FGF20: variants seen among roughly 807,000 people sequenced by gnomAD.
FGF20 encodes fibroblast growth factor 20.
A neutral mutation model predicts 16.7 loss-of-function variants in FGF20; 8 were observed. That is an observed-to-expected ratio of 0.48 (90% confidence interval 0.28 to 0.87). The LOEUF (loss-of-function observed/expected upper bound fraction) is 0.87, where lower values mean the gene tolerates loss of function less well. Among genes scored for constraint, FGF20 ranks in the 40% least tolerant of loss-of-function variants. The pLI is 0.10. For synonymous variants in FGF20, 161 were observed against 118.6 expected, an observed-to-expected ratio of 1.36 and a Z score of -2.32; for missense variants, 397 against 281.4, an observed-to-expected ratio of 1.41 and a Z score of -2.94.
At position 17,001,768 on chromosome 8, in the gene FGF20, G is replaced by T; in HGVS notation, c.265C>A (p.Arg89=). The T allele has an allele frequency of 6.3e-7, 1 of 1,577,930 alleles. No homozygotes were observed. Among genetic ancestry groups the T allele is most frequent in the African/African-American group, 1.4e-5 (1 of 71,758 alleles). The change falls in exon 1 of 3, where the codon CGG becomes AGG. Residue 89 remains arginine, a synonymous_variant. Transcript: ENST00000180166. Reference sequence around the variant, plus strand: ...GTACCGAAGAGGCTGTGGTCCTGCCGGGTGCCCTGCACGCTGCCGTCGGGC... The same window carrying T: ...GTACCGAAGAGGCTGTGGTCCTGCCTGGTGCCCTGCACGCTGCCGTCGGGC... ...ILPDGSVQGT[R]QDHSLFGILE...
chr8:16,995,928 A>T (rs1184000467), intron 1 of FGF20, among the ~76,000 whole-genome samples, 170 bp from the exon 2 acceptor site: 1 of 152,258 alleles, frequency 6.6e-6, no homozygotes, highest in East Asian at 1.9e-4. Context: ...TTGTTTTATG[A>T]CAGATGAAAA....
At chr8:16,993,922 T>C (rs1809979443) in intron 2 of FGF20, among the ~76,000 whole-genome samples, 2 of 152,116 alleles carry the variant, frequency 1.3e-5, no homozygotes, top group South Asian at 4.1e-4. Context: ...ATGTGAGCAA[T>C]GGAGAGCAGC....
At chr8:16,998,932 T>C (rs1451588280) in intron 1 of FGF20, among the ~76,000 whole-genome samples, 1 of 152,134 alleles carries the variant, frequency 6.6e-6, no homozygotes, top group East Asian at 1.9e-4. Flanking sequence ...TAGCCATCCT[T>C]AAGTTTTCAA....
In FGF20 at chr8:16,992,430, T is replaced by C. The variant is rs1809935249; in HGVS notation, c.*642A>G. 1 of 151,910 alleles carries C rather than the reference T, an allele frequency of 6.6e-6. No individual in the cohort carries two copies. The highest frequency in any genetic ancestry group is 1.5e-5 in the Non-Finnish European group (1 of 67,958). 9.4% of individuals were successfully genotyped at this position (151,910 alleles called of 1,614,324 possible). ...GCACAATAACGGAAGTTTTGTTGTT[T>C]TTTACTCTTTGTATTATCTTCATAT... On this transcript the variant is annotated 3_prime_UTR_variant, in exon 3 of 3. Transcript: ENST00000180166.
intron 2 of FGF20, among the ~76,000 whole-genome samples, chr8:16,994,782 A>G (rs1350289706): frequency 6.6e-6 from 1 of 152,208 alleles, no homozygotes; most frequent in African/African-American, 2.4e-5. Context: ...CAACCTCAAG[A>G]AAAGAGTTCA....
intron 1 of FGF20, among the ~76,000 whole-genome samples, chr8:16,997,515 C>T (rs1348975159): frequency 7.2e-5 from 11 of 152,188 alleles, no homozygotes; most frequent in Non-Finnish European, 2.9e-5. Flanking sequence ...AAGCCTAATT[C>T]ACTCTTTGTC....
intron 1 of FGF20, among the ~76,000 whole-genome samples, chr8:17,000,851 T>C (rs1402357724): frequency 6.6e-6 from 1 of 152,016 alleles, no homozygotes; most frequent in African/African-American, 2.4e-5. Context: ...ACCCCTTCTC[T>C]TCCCAGGCAC....
chr8:16,993,021 A>G lies in FGF20; in HGVS notation c.*51T>C, dbSNP rs1438376175. ...TCATTATTTTATGATGGGAACTATG[A>G]CAAGAAAGAATGGTTGTGGTTTGAC... On this transcript the variant is annotated 3_prime_UTR_variant, in exon 3 of 3. Coordinates refer to ENST00000180166, the MANE Select transcript of FGF20 (RefSeq NM_019851.3). 19 of 1,580,850 alleles carry G rather than the reference A, an allele frequency of 1.2e-5. No individual in the cohort carries two copies. Among genetic ancestry groups the G allele is most frequent in the Non-Finnish European group, 1.6e-5 (19 of 1,164,448 alleles).
intron 1 of FGF20, among the ~76,000 whole-genome samples, 176 bp from the exon 2 acceptor site, chr8:16,995,934 GAAAAAAGGAC>G (rs1362296628): frequency 2.0e-5 from 3 of 152,264 alleles, no homozygotes; most frequent in Admixed American, 1.3e-4. Flanking sequence ...TATGACAGAT[GAAAAAAGGAC>G]AAAAAAGGAA....
In FGF20 at chr8:16,992,382, C is replaced by T. The variant is rs1809933681; in HGVS notation, c.*690G>A. On this transcript the variant is annotated 3_prime_UTR_variant, in exon 3 of 3. Transcript: ENST00000180166. ...GTATAATAATGTCCTCTTTACAGAG[C>T]AAGACACCACAATAAAGTAATGGCA... is the stretch of plus-strand genomic sequence containing the variant. The T allele has an allele frequency of 6.6e-6, 1 of 151,924 alleles. No individual in the cohort carries two copies. The highest frequency in any genetic ancestry group is 6.6e-5 in the Admixed American group (1 of 15,256). The allele number at this position is 151,924 out of a possible 1,614,324, so 9.4% of individuals were successfully genotyped here.
chr8:16,996,220 C>A (rs1372062065), intron 1 of FGF20, among the ~76,000 whole-genome samples: 1 of 152,088 alleles, frequency 6.6e-6, no homozygotes, highest in African/African-American at 2.4e-5. Flanking sequence ...TTTTCTCACC[C>A]TTCTATGTGT....
At chr8:16,994,304 C>T (rs969612762) in intron 2 of FGF20, among the ~76,000 whole-genome samples, 1 of 152,134 alleles carries the variant, frequency 6.6e-6, no homozygotes, top group Non-Finnish European at 1.5e-5. Flanking sequence ...AATCATATAT[C>T]TTCTCTTTAT....
chr8:16,993,429 G>GT, intron 2 of FGF20, 112 bp from the exon 3 acceptor site: 1 of 1,116,456 alleles, frequency 9.0e-7, no homozygotes, highest in Admixed American at 2.4e-5. Context: ...AAAGAAAAAG[G>GT]TTAAATTGGT....
Position 16,992,930 on chromosome 8 carries a change from A to G in FGF20, c.*142T>C. On this transcript the variant is annotated 3_prime_UTR_variant, in exon 3 of 3. Transcript: ENST00000180166. The stretch of plus-strand genomic sequence containing the variant: ...AAAATTTTTTTTGGTTTTTTTTCTC[A>G]ATATTCTTTCCAAATCCAGTCTCTC... The G allele has an allele frequency of 8.9e-7, 1 of 1,124,890 alleles. No homozygotes were observed. Among genetic ancestry groups the G allele is most frequent in the Non-Finnish European group, 1.2e-6 (1 of 802,494 alleles). The allele number at this position is 1,124,890 out of a possible 1,614,324, so 69.7% of individuals were successfully genotyped here. A position where few individuals can be genotyped will look rare whatever the true frequency, so the allele number is the denominator to read the frequency against.
Position 17,002,127 on chromosome 8 carries a change from C to A in FGF20, c.-95G>T, listed in dbSNP as rs1408089333. ...TAGAGAAAAATTATAGCAAAACGAG[C>A]GCAAAAAGTTAAGGCCCGGTTACTC... On this transcript the variant is annotated 5_prime_UTR_variant, in exon 1 of 3. Coordinates refer to ENST00000180166, the MANE Select transcript of FGF20 (RefSeq NM_019851.3). The A allele has an allele frequency of 1.5e-6, 2 of 1,342,122 alleles. No individual in the cohort carries two copies. Among genetic ancestry groups the A allele is most frequent in the Admixed American group, 3.6e-5 (1 of 27,936 alleles). 83.1% of individuals were successfully genotyped at this position (1,342,122 alleles called of 1,614,324 possible).
At chr8:16,994,947 C>G (rs1689884) in intron 2 of FGF20, among the ~76,000 whole-genome samples, 145,861 of 152,266 alleles carry the variant, frequency 0.96, 70,168 homozygotes, top group East Asian at 1. Flanking sequence ...TCCTGCTATT[C>G]TAATTCTTGT....
At position 17,002,066 on chromosome 8, in the gene FGF20, C is replaced by T. The variant is rs781016331; in HGVS notation, c.-34G>A. 2 of 1,503,768 alleles carry T rather than the reference C, an allele frequency of 1.3e-6. No individual in the cohort carries two copies. The highest frequency in any genetic ancestry group is 1.5e-5 in the African/African-American group (1 of 68,782). The allele number at this position is 1,503,768 out of a possible 1,614,324, so 93.2% of individuals were successfully genotyped here. On this transcript the variant is annotated 5_prime_UTR_variant, in exon 1 of 3. Coordinates refer to ENST00000180166, the MANE Select transcript of FGF20 (RefSeq NM_019851.3). ...AGATCCGGAACACAAAAGACCCCCCCAGTAAAGAGTGTTGTGGGGGTGGGA... is the reference window on the plus strand; with the variant it reads ...AGATCCGGAACACAAAAGACCCCCCTAGTAAAGAGTGTTGTGGGGGTGGGA...
intron 1 of FGF20, 66 bp from the exon 2 acceptor site, chr8:16,995,824 A>G (rs1563232822): frequency 1.1e-6 from 1 of 881,410 alleles, no homozygotes; most frequent in Non-Finnish European, 1.8e-6. Flanking sequence ...ATGACTAACA[A>G]AAATCTTCCA....
At chr8:16,996,708 T>G (rs886507784) in intron 1 of FGF20, among the ~76,000 whole-genome samples, 3 of 152,192 alleles carry the variant, frequency 2.0e-5, no homozygotes, top group Non-Finnish European at 4.4e-5. Flanking sequence ...TGTATTTTCT[T>G]ATCTGGCCCT....
Sources: allele counts gnomAD v4.1 joint callset (sites outside exome capture counted in the v4.1 genomes callset), GRCh38; gene constraint gnomAD v4.1.1; transcripts MANE v1.5; gene names NCBI Gene and HGNC (gene_info 2026-07-23, HGNC 2026-07-21).